Variants in H2AC17 observed in about 807,000 individuals in gnomAD.
H2AC17 encodes the protein histone H2A type 1.
Under a neutral mutation model 6.3 loss-of-function variants are expected in H2AC17, and 10 were observed. The ratio of observed to expected loss-of-function variants is 1.58; its 90% CI spans 0.97 to 2.68. The LOEUF is 2.68. Among genes scored for constraint, H2AC17 ranks in the 30% most tolerant of loss-of-function variants. The probability of loss-of-function intolerance (pLI) is 0.00; values close to 1 mark genes in which losing one functional copy is unlikely to be tolerated. For synonymous variants in H2AC17, 138 were observed against 78.3 expected, an observed-to-expected ratio of 1.76 and a Z score of -4.02; for missense variants, 207 against 176.0, an observed-to-expected ratio of 1.18 and a Z score of -1.00.
chr6:27,893,137 C>T lies in H2AC17; in HGVS notation c.13G>A (p.Gly5Ser), dbSNP rs757532231. 1.3e-6 allele frequency: 2 copies of T among 1,591,600 alleles called. No homozygotes were observed. Among genetic ancestry groups the T allele is most frequent in the African/African-American group, 1.4e-5 (1 of 73,918 alleles). MSGR[G>S]KQGGKARAKA... ...GCGCGAGCCTTGCCGCCCTGCTTGC[C>T]ACGTCCAGACATGGTAAAACGACCT... Residue 5 changes from glycine (G) to serine (S), a missense_variant, in exon 1 of 1, where the codon GGC (glycine) becomes AGC (serine). By Grantham distance (56) the Gly-to-Ser change is moderately conservative (BLOSUM62 0). This residue lies in a region of H2AC17 where 148 missense variants were observed against 106.0 expected (regional missense o/e 1.40). Transcript: ENST00000359611.
chr6:27,892,934 G>A lies in H2AC17; in HGVS notation c.216C>T (p.Arg72=), dbSNP rs200200811. The A allele has an allele frequency of 9.9e-6, 16 of 1,614,062 alleles. No homozygotes were observed. Among genetic ancestry groups the A allele is most frequent in the Admixed American group, 1.7e-5 (1 of 60,008 alleles). Residue 72 remains arginine (R), a synonymous_variant, in exon 1 of 1, where the codon CGC becomes CGT. Transcript: ENST00000359611. ...GGATGATGCGGGTCTTTTTGTTGTC[G>A]CGGGCTGCGTTGCCCGCCAGCTCCA... ...EILELAGNAA[R]DNKKTRIIPR...
Position 27,893,018 on chromosome 6 carries a change from G to C in H2AC17, c.132C>G (p.Val44=). 5.6e-6 allele frequency: 9 copies of C among 1,614,052 alleles called. No homozygotes were observed. The highest frequency in any genetic ancestry group is 7.6e-6 in the Non-Finnish European group (9 of 1,179,986). The change falls in exon 1 of 1, where the codon GTC becomes GTG. Residue 44 remains valine, a synonymous_variant. Coordinates refer to ENST00000359611, the MANE Select transcript of H2AC17 (RefSeq NM_003514.2). ...CCAGGTAAACCGGCGCGCCGGCCCC[G>C]ACCCGCTCAGCGTAGTTGCCCTTGC... is the stretch of plus-strand genomic sequence containing the variant. ...LLRKGNYAER[V]GAGAPVYLAA... is the part of the protein sequence containing the mutation.
chr6:27,892,935 C>T lies in H2AC17; in HGVS notation c.215G>A (p.Arg72His). Residue 72 changes from arginine (R) to histidine (H), a missense_variant, in exon 1 of 1, where the codon CGC becomes CAC. Physicochemically the swap from Arg to His is conservative, Grantham distance 29. Transcript: ENST00000359611. ...EILELAGNAA[R>H]DNKKTRIIPR... is the part of the protein sequence containing the mutation. ...GATGATGCGGGTCTTTTTGTTGTCG[C>T]GGGCTGCGTTGCCCGCCAGCTCCAG... The T allele has an allele frequency of 6.2e-7, 1 of 1,614,180 alleles. No individual in the cohort carries two copies. The highest frequency in any genetic ancestry group is 8.5e-7 in the Non-Finnish European group (1 of 1,180,036).
In H2AC17 at chr6:27,892,729, G is replaced by GTC; in HGVS notation, c.*27_*28insGA. On this transcript the variant is annotated 3_prime_UTR_variant, in exon 1 of 1. Transcript: ENST00000359611. The stretch of plus-strand genomic sequence containing the variant: ...GGCTCTGAAAAGAGCCTTTTGTCTT[G>GTC]TAAGTTTACATTTTTAAAGTTCAGC... The GTC allele has an allele frequency of 6.2e-7, 1 of 1,610,354 alleles. No homozygotes were observed. Among genetic ancestry groups the GTC allele is most frequent in the Non-Finnish European group, 8.5e-7 (1 of 1,179,058 alleles).
At position 27,892,714 on chromosome 6, in the gene H2AC17, A is replaced by G; in HGVS notation, c.*43T>C. 1.4e-5 allele frequency: 23 copies of G among 1,605,036 alleles called. No homozygotes were observed. The highest frequency in any genetic ancestry group is 6.7e-5 in the East Asian group (3 of 44,774). On this transcript the variant is annotated 3_prime_UTR_variant, in exon 1 of 1. Coordinates refer to ENST00000359611, the MANE Select transcript of H2AC17 (RefSeq NM_003514.2). Reference sequence around the variant, plus strand: ...GTAGAAATGGTGGGTGGCTCTGAAAAGAGCCTTTTGTCTTGTAAGTTTACA... The same window carrying G: ...GTAGAAATGGTGGGTGGCTCTGAAAGGAGCCTTTTGTCTTGTAAGTTTACA...
chr6:27,892,975 G>C lies in H2AC17; in HGVS notation c.175C>G (p.Leu59Val), dbSNP rs780483920. The change falls in exon 1 of 1, where the codon CTA becomes GTA. Residue 59 changes from leucine (L) to valine (V), a missense_variant. By Grantham distance (32) the Leu-to-Val change is conservative (BLOSUM62 1). Transcript: ENST00000359611. ...PVYLAAVLEY[L>V]TAEILELAGN... ...GCCAGCTCCAGGATCTCGGCAGTTA[G>C]GTACTCCAGCACCGCCGCCAGGTAA... 39 of 1,614,214 alleles carry C rather than the reference G, an allele frequency of 2.4e-5. No individual in the cohort carries two copies. The highest frequency in any genetic ancestry group is 3.0e-5 in the Non-Finnish European group (35 of 1,180,036).
At position 27,893,052 on chromosome 6, in the gene H2AC17, C is replaced by G; in HGVS notation, c.98G>C (p.Arg33Pro). 1 of 1,614,018 alleles carries G rather than the reference C, an allele frequency of 6.2e-7. No homozygotes were observed. Among genetic ancestry groups the G allele is most frequent in the Non-Finnish European group, 8.5e-7 (1 of 1,179,970 alleles). The change falls in exon 1 of 1, where the codon CGC becomes CCC. Residue 33 changes from arginine (R) to proline (P), a missense_variant. This residue lies in a region of H2AC17 where 148 missense variants were observed against 106.0 expected (regional missense o/e 1.40). Coordinates refer to ENST00000359611, the MANE Select transcript of H2AC17 (RefSeq NM_003514.2). ...GLQFPVGRVHRLLRKGNYAER... is the reference protein window; with the variant it reads ...GLQFPVGRVHPLLRKGNYAER... ...AGCGTAGTTGCCCTTGCGGAGCAGG[C>G]GGTGCACTCGTCCTACAGGAAATTG...
Position 27,892,911 on chromosome 6 carries a change from A to G in H2AC17, c.239T>C (p.Ile80Thr). 2 of 1,614,088 alleles carry G rather than the reference A, an allele frequency of 1.2e-6. No individual in the cohort carries two copies. The highest frequency in any genetic ancestry group is 1.7e-6 in the Non-Finnish European group (2 of 1,179,984). ...AARDNKKTRI[I>T]PRHLQLAIRN... ...GATGGCCAGCTGCAAGTGGCGCGGG[A>G]TGATGCGGGTCTTTTTGTTGTCGCG... Residue 80 changes from isoleucine to threonine, a missense_variant, in exon 1 of 1, where the codon ATC becomes ACC. By Grantham distance (89) the Ile-to-Thr change is moderately conservative (BLOSUM62 -1). This residue lies in a region of H2AC17 where 6 missense variants were observed against 22.6 expected (regional missense o/e 0.27). Coordinates refer to ENST00000359611, the MANE Select transcript of H2AC17 (RefSeq NM_003514.2).
At position 27,893,157 on chromosome 6, in the gene H2AC17, C is replaced by T. The variant is rs1761929176; in HGVS notation, c.-8G>A. ...CTTGCCACGTCCAGACATGGTAAAACGACCTGTGGCCTAAGTCAGAAAGTG... is the reference window on the plus strand; with the variant it reads ...CTTGCCACGTCCAGACATGGTAAAATGACCTGTGGCCTAAGTCAGAAAGTG... On this transcript the variant is annotated 5_prime_UTR_variant, in exon 1 of 1. Coordinates refer to ENST00000359611, the MANE Select transcript of H2AC17 (RefSeq NM_003514.2). 1.3e-6 allele frequency: 2 copies of T among 1,573,140 alleles called. No homozygotes were observed. The highest frequency in any genetic ancestry group is 1.7e-6 in the Non-Finnish European group (2 of 1,161,654).
Position 27,892,803 on chromosome 6 carries a change from AG to A in H2AC17, c.346del (p.Leu116CysfsTer18). On this transcript the variant is annotated frameshift_variant, in exon 1 of 1. Transcript: ENST00000359611. LOFTEE classifies it high-confidence loss of function. The stretch of plus-strand genomic sequence containing the variant: ...GTGGCTCTCAGTCTTCTTGGGGAGC[AG>A]TACGGCCTGGATGTTAGGCAGAACA... ...GGVLPNIQAVLLPKKTESHHK... is the reference protein window; with the variant it reads ...GGVLPNIQAVXLPKKTESHHK... The A allele has an allele frequency of 6.2e-7, 1 of 1,614,228 alleles. No homozygotes were observed. The highest frequency in any genetic ancestry group is 8.5e-7 in the Non-Finnish European group (1 of 1,180,040).
In H2AC17 at chr6:27,892,814, G is replaced by A; in HGVS notation, c.336C>T (p.Ile112=). 1 of 1,614,238 alleles carries A rather than the reference G, an allele frequency of 6.2e-7. No individual in the cohort carries two copies. The highest frequency in any genetic ancestry group is 8.5e-7 in the Non-Finnish European group (1 of 1,180,046). Residue 112 remains isoleucine (I), a synonymous_variant, in exon 1 of 1, where the codon ATC becomes ATT. Coordinates refer to ENST00000359611, the MANE Select transcript of H2AC17 (RefSeq NM_003514.2). ...TIAQGGVLPN[I]QAVLLPKKTE... Reference sequence around the variant, plus strand: ...TCTTCTTGGGGAGCAGTACGGCCTGGATGTTAGGCAGAACACCGCCCTGAG... The same window carrying A: ...TCTTCTTGGGGAGCAGTACGGCCTGAATGTTAGGCAGAACACCGCCCTGAG...
Position 27,892,710 on chromosome 6 carries a change from G to A in H2AC17, c.*47C>T. ...TTCCGTAGAAATGGTGGGTGGCTCT[G>A]AAAAGAGCCTTTTGTCTTGTAAGTT... On this transcript the variant is annotated 3_prime_UTR_variant, in exon 1 of 1. Transcript: ENST00000359611. The A allele has an allele frequency of 6.2e-7, 1 of 1,606,418 alleles. No individual in the cohort carries two copies. Among genetic ancestry groups the A allele is most frequent in the Non-Finnish European group, 8.5e-7 (1 of 1,175,522 alleles).
chr6:27,893,027 A>T lies in H2AC17; in HGVS notation c.123T>A (p.Ala41=). Residue 41 remains alanine (A), a synonymous_variant, in exon 1 of 1, where the codon GCT becomes GCA. Transcript: ENST00000359611. ...CCGGCGCGCCGGCCCCGACCCGCTCAGCGTAGTTGCCCTTGCGGAGCAGGC... is the reference window on the plus strand; with the variant it reads ...CCGGCGCGCCGGCCCCGACCCGCTCTGCGTAGTTGCCCTTGCGGAGCAGGC... ...VHRLLRKGNY[A]ERVGAGAPVY... 6.2e-7 allele frequency: 1 copy of T among 1,614,074 alleles called. No individual in the cohort carries two copies. The highest frequency in any genetic ancestry group is 8.5e-7 in the Non-Finnish European group (1 of 1,179,988).
In H2AC17 at chr6:27,892,717, G is replaced by A. The variant is rs1190507787; in HGVS notation, c.*40C>T. ...GAAATGGTGGGTGGCTCTGAAAAGA[G>A]CCTTTTGTCTTGTAAGTTTACATTT... is the stretch of plus-strand genomic sequence containing the variant. On this transcript the variant is annotated 3_prime_UTR_variant, in exon 1 of 1. Transcript: ENST00000359611. 2.5e-6 allele frequency: 4 copies of A among 1,607,092 alleles called. No individual in the cohort carries two copies. Among genetic ancestry groups the A allele is most frequent in the East Asian group, 2.2e-5 (1 of 44,816 alleles).
Position 27,892,883 on chromosome 6 carries a change from G to T in H2AC17, c.267C>A (p.Arg89=). The T allele has an allele frequency of 6.2e-7, 1 of 1,614,250 alleles. No individual in the cohort carries two copies. Among genetic ancestry groups the T allele is most frequent in the Non-Finnish European group, 8.5e-7 (1 of 1,180,046 alleles). ...IIPRHLQLAI[R]NDEELNKLLG... ...GCAGCTTGTTGAGCTCCTCGTCGTT[G>T]CGGATGGCCAGCTGCAAGTGGCGCG... The change falls in exon 1 of 1, where the codon CGC becomes CGA. Residue 89 remains arginine (R), a synonymous_variant. Coordinates refer to ENST00000359611, the MANE Select transcript of H2AC17 (RefSeq NM_003514.2).
At position 27,892,723 on chromosome 6, in the gene H2AC17, TG is replaced by T; in HGVS notation, c.*33del. On this transcript the variant is annotated 3_prime_UTR_variant, in exon 1 of 1. Transcript: ENST00000359611. ...GTGGGTGGCTCTGAAAAGAGCCTTTTGTCTTGTAAGTTTACATTTTTAAAGT... is the reference window on the plus strand; with the variant it reads ...GTGGGTGGCTCTGAAAAGAGCCTTTTTCTTGTAAGTTTACATTTTTAAAGT... The T allele has an allele frequency of 6.2e-7, 1 of 1,610,946 alleles. No individual in the cohort carries two copies. The highest frequency in any genetic ancestry group is 8.5e-7 in the Non-Finnish European group (1 of 1,178,434).
Position 27,893,014 on chromosome 6 carries a change from C to T in H2AC17, c.136G>A (p.Ala46Thr), listed in dbSNP as rs1379482641. 4 of 1,614,102 alleles carry T rather than the reference C, an allele frequency of 2.5e-6. No homozygotes were observed. Among genetic ancestry groups the T allele is most frequent in the Non-Finnish European group, 2.5e-6 (3 of 1,180,004 alleles). The change falls in exon 1 of 1, where the codon GCC (alanine) becomes ACC (threonine). Residue 46 changes from alanine (A) to threonine (T), a missense_variant. Around this residue, in one of 3 missense-constraint regions of H2AC17, gnomAD observed 148 missense variants for 106.0 expected, o/e 1.40. Transcript: ENST00000359611. ...RKGNYAERVGAGAPVYLAAVL... is the reference protein window; with the variant it reads ...RKGNYAERVGTGAPVYLAAVL... ...GCCGCCAGGTAAACCGGCGCGCCGG[C>T]CCCGACCCGCTCAGCGTAGTTGCCC...
Position 27,892,809 on chromosome 6 carries a change from G to C in H2AC17, c.341C>G (p.Ala114Gly). 1 of 1,614,198 alleles carries C rather than the reference G, an allele frequency of 6.2e-7. No individual in the cohort carries two copies. Among genetic ancestry groups the C allele is most frequent in the Non-Finnish European group, 8.5e-7 (1 of 1,180,038 alleles). Residue 114 changes from alanine to glycine, a missense_variant, in exon 1 of 1, where the codon GCC (alanine) becomes GGC (glycine). Coordinates refer to ENST00000359611, the MANE Select transcript of H2AC17 (RefSeq NM_003514.2). ...AQGGVLPNIQ[A>G]VLLPKKTESH... Reference sequence around the variant, plus strand: ...CTCAGTCTTCTTGGGGAGCAGTACGGCCTGGATGTTAGGCAGAACACCGCC... The same window carrying C: ...CTCAGTCTTCTTGGGGAGCAGTACGCCCTGGATGTTAGGCAGAACACCGCC...
chr6:27,892,826 A>C lies in H2AC17; in HGVS notation c.324T>G (p.Val108=), dbSNP rs763201590. 1.9e-6 allele frequency: 3 copies of C among 1,614,228 alleles called. No homozygotes were observed. The highest frequency in any genetic ancestry group is 2.5e-6 in the Non-Finnish European group (3 of 1,180,042). Residue 108 remains valine, a synonymous_variant, in exon 1 of 1, where the codon GTT becomes GTG. Coordinates refer to ENST00000359611, the MANE Select transcript of H2AC17 (RefSeq NM_003514.2). ...LGKVTIAQGG[V]LPNIQAVLLP... is the part of the protein sequence containing the mutation. ...GCAGTACGGCCTGGATGTTAGGCAG[A>C]ACACCGCCCTGAGCGATGGTAACTT... is the stretch of plus-strand genomic sequence containing the variant.
Sources: allele counts gnomAD v4.1 joint callset, GRCh38; gene constraint gnomAD v4.1.1; regional missense constraint gnomAD v4.1.1; transcripts MANE v1.5; gene names NCBI Gene and HGNC (gene_info 2026-07-23, HGNC 2026-07-21).